Variants in ZDBF2 observed in about 807,000 individuals in gnomAD.
ZDBF2 encodes the protein zinc finger DBF-type containing 2.
Under a neutral mutation model 9.4 loss-of-function variants are expected in ZDBF2, and 6 were observed. The ratio of observed to expected loss-of-function variants is 0.64; its 90% CI spans 0.35 to 1.27. The LOEUF (loss-of-function observed/expected upper bound fraction) is 1.27. ZDBF2 is among the 50% of genes most tolerant of loss of function. The probability of loss-of-function intolerance (pLI) is 0.03; values close to 1 mark genes in which losing one functional copy is unlikely to be tolerated. For synonymous variants in ZDBF2, 905 were observed against 946.3 expected, an observed-to-expected ratio of 0.96 and a Z score of 0.80; for missense variants, 2,697 against 2,766.8, an observed-to-expected ratio of 0.97 and a Z score of 0.57.
At position 206,313,483 on chromosome 2, in the gene ZDBF2, ACTAGGAAGTAAACAAACAG is replaced by A. The variant is rs1438851358; in HGVS notation, c.*1893_*1911del. On this transcript the variant is annotated 3_prime_UTR_variant, in exon 5 of 5. Coordinates refer to ENST00000374423, the MANE Select transcript of ZDBF2 (RefSeq NM_020923.3). ...TTAGGAACAAAGCTTTGTCCTACTG[ACTAGGAAGTAAACAAACAG>A]CTGATATATAAGATATTTGTGGGTA... 6.6e-6 allele frequency: 1 copy of A among 152,184 alleles called. No homozygotes were observed. Among genetic ancestry groups the A allele is most frequent in the Non-Finnish European group, 1.5e-5 (1 of 68,010 alleles). The allele number at this position is 152,184 out of a possible 1,614,324, so 9.4% of individuals were successfully genotyped here.
Position 206,283,389 on chromosome 2 carries a change from TG to T in ZDBF2, c.60+1481del, listed in dbSNP as rs1030161933. Reference sequence around the variant, plus strand: ...ACTTGTTGTTGTCTGTTTTGTTTTTTGTTGTTGTTGTTGTTGTTGTTATAGC... The same window carrying T: ...ACTTGTTGTTGTCTGTTTTGTTTTTTTTGTTGTTGTTGTTGTTGTTATAGC... On this transcript the variant is annotated intron_variant, in intron 3 of 4. Transcript: ENST00000374423. Among the ~76,000 whole-genome samples the T allele has an allele frequency of 4.0e-4, 59 of 148,204 alleles. 1 individual carries two copies. In the South Asian group the frequency reaches 4.4e-3, roughly 11 times the overall value.
At position 206,306,852 on chromosome 2, in the gene ZDBF2, A is replaced by G. The variant is rs765735395; in HGVS notation, c.2324A>G (p.His775Arg). Residue 775 changes from histidine to arginine, a missense_variant, in exon 5 of 5, where the codon CAC becomes CGC. This residue lies in a region of ZDBF2 where 910 missense variants were observed against 973.6 expected (regional missense o/e 0.93). Coordinates refer to ENST00000374423, the MANE Select transcript of ZDBF2 (RefSeq NM_020923.3). The part of the protein sequence containing the change: ...SHLDAEGKER[H>R]IDLEDESCES... ...CTGGATGCTGAAGGAAAAGAACGGC[A>G]CATTGACCTGGAAGATGAGAGCTGT... 28 of 1,613,896 alleles carry G rather than the reference A, an allele frequency of 1.7e-5. No homozygotes were observed. The highest frequency in any genetic ancestry group is 2.2e-5 in the Non-Finnish European group (26 of 1,179,816).
In ZDBF2 at chr2:206,313,490, A is replaced by G. The variant is rs969987094; in HGVS notation, c.*1897A>G. On this transcript the variant is annotated 3_prime_UTR_variant, in exon 5 of 5. Coordinates refer to ENST00000374423, the MANE Select transcript of ZDBF2 (RefSeq NM_020923.3). ...CAAAGCTTTGTCCTACTGACTAGGA[A>G]GTAAACAAACAGCTGATATATAAGA... is the stretch of plus-strand genomic sequence containing the variant. The G allele has an allele frequency of 2.0e-5, 3 of 152,216 alleles. No homozygotes were observed. Among genetic ancestry groups the G allele is most frequent in the Non-Finnish European group, 4.4e-5 (3 of 68,016 alleles). The allele number at this position is 152,216 out of a possible 1,614,324, so 9.4% of individuals were successfully genotyped here. A position where few individuals can be genotyped will look rare whatever the true frequency, so the allele number is the denominator to read the frequency against.
At position 206,310,408 on chromosome 2, in the gene ZDBF2, A is replaced by C; in HGVS notation, c.5880A>C (p.Ile1960=). 1 of 1,613,988 alleles carries C rather than the reference A, an allele frequency of 6.2e-7. No individual in the cohort carries two copies. Among genetic ancestry groups the C allele is most frequent in the Non-Finnish European group, 8.5e-7 (1 of 1,179,876 alleles). Residue 1960 remains isoleucine (I), a synonymous_variant, in exon 5 of 5, where the codon ATA becomes ATC. Transcript: ENST00000374423. ...ATTACCCAGTGATGAAAAGAAAAATAATTAGACAAGAGGAAGACCCACCAA... is the reference window on the plus strand; with the variant it reads ...ATTACCCAGTGATGAAAAGAAAAATCATTAGACAAGAGGAAGACCCACCAA... ...CKNYPVMKRK[I]IRQEEDPPKS...
intron 2 of ZDBF2, among the ~76,000 whole-genome samples, chr2:206,281,355 T>C (rs1034428632): frequency 1.3e-5 from 2 of 152,194 alleles, no homozygotes; most frequent in African/African-American, 4.8e-5. Flanking sequence ...GAAAATGCCA[T>C]GTGGTGTCTT....
chr2:206,292,632 A>G (rs1691954645), intron 3 of ZDBF2, among the ~76,000 whole-genome samples: 1 of 152,120 alleles, frequency 6.6e-6, no homozygotes, highest in Non-Finnish European at 1.5e-5. Context: ...ATAAAAACTA[A>G]AAAGATATCT....
intron 3 of ZDBF2, among the ~76,000 whole-genome samples, chr2:206,283,621 G>A (rs562037520): frequency 4.6e-5 from 7 of 152,064 alleles, no homozygotes; most frequent in Non-Finnish European, 7.4e-5. Context: ...TTTATCAGAT[G>A]TATGATTTAC....
intron 4 of ZDBF2, among the ~76,000 whole-genome samples, chr2:206,303,650 C>A (rs1051906734): frequency 2.0e-5 from 3 of 152,052 alleles, no homozygotes; most frequent in African/African-American, 7.2e-5. Context: ...AGACATAATT[C>A]ACAGTGCACG....
chr2:206,283,317 C>T (rs540009238), intron 3 of ZDBF2, among the ~76,000 whole-genome samples: 1 of 152,202 alleles, frequency 6.6e-6, no homozygotes, highest in South Asian at 2.1e-4. Context: ...CTGTACCTTA[C>T]CACCAGCAAT....
intron 3 of ZDBF2, among the ~76,000 whole-genome samples, chr2:206,287,611 G>C (rs1027815882): frequency 6.6e-6 from 1 of 152,112 alleles, no homozygotes; most frequent in Non-Finnish European, 1.5e-5. Flanking sequence ...CCATAGACTT[G>C]GGAAGTTTTT....
At position 206,307,306 on chromosome 2, in the gene ZDBF2, A is replaced by G. The variant is rs555446458; in HGVS notation, c.2778A>G (p.Ser926=). Reference sequence around the variant, plus strand: ...TGGATTATAATATCATTTTTCATTCAGTGACTGGACGTTCTGAAGATCCCA... The same window carrying G: ...TGGATTATAATATCATTTTTCATTCGGTGACTGGACGTTCTGAAGATCCCA... ...VSLDYNIIFH[S]VTGRSEDPIK... Residue 926 remains serine, a synonymous_variant, in exon 5 of 5, where the codon TCA becomes TCG. Coordinates refer to ENST00000374423, the MANE Select transcript of ZDBF2 (RefSeq NM_020923.3). 1.2e-6 allele frequency: 2 copies of G among 1,610,682 alleles called. No homozygotes were observed. Among genetic ancestry groups the G allele is most frequent in the African/African-American group, 1.3e-5 (1 of 74,792 alleles).
At chr2:206,276,058 C>T (rs1690982755) in intron 1 of ZDBF2, among the ~76,000 whole-genome samples, 1 of 151,952 alleles carries the variant, frequency 6.6e-6, no homozygotes, top group South Asian at 2.1e-4. Flanking sequence ...TTTTTTCAAA[C>T]TGAGTTTTTT....
chr2:206,305,161 T>G lies in ZDBF2; in HGVS notation c.633T>G (p.Ala211=), dbSNP rs780720776. The G allele has an allele frequency of 1.2e-6, 2 of 1,613,762 alleles. No homozygotes were observed. The highest frequency in any genetic ancestry group is 4.5e-5 in the East Asian group (2 of 44,898). Residue 211 remains alanine, a synonymous_variant, in exon 5 of 5, where the codon GCT becomes GCG. Transcript: ENST00000374423. Reference sequence around the variant, plus strand: ...ATACAACTAGTTTACCACCAGCAGCTCATTTGGATTCAGTTAGCAAATGTG... The same window carrying G: ...ATACAACTAGTTTACCACCAGCAGCGCATTTGGATTCAGTTAGCAAATGTG... ...TANTTSLPPA[A]HLDSVSKCDP...
rs146440797 is a variant in ZDBF2, at chr2:206,304,289, T to C, written c.189-428T>C. 9.2e-5 allele frequency among the ~76,000 whole-genome samples: 14 copies of C among 152,344 alleles called. No homozygotes were observed. In the East Asian group the frequency reaches 2.7e-3, roughly 29 times the overall value. On this transcript the variant is annotated intron_variant, in intron 4 of 4. Transcript: ENST00000374423. ...AATGCTTACTGTGTGCCAAGCTGTTTCTTTGTTTTAATGCTCTTTACATGT... is the reference window on the plus strand; with the variant it reads ...AATGCTTACTGTGTGCCAAGCTGTTCCTTTGTTTTAATGCTCTTTACATGT...
chr2:206,311,013 CAGTT>C lies in ZDBF2; in HGVS notation c.6488_6491del (p.Val2163GlufsTer18). ...GATGTTGTCAAAATCTCTCCAAAAT[CAGTT>C]AGAAATAAGCTTTTGGAAAGTCAAA... On this transcript the variant is annotated frameshift_variant, in exon 5 of 5. Transcript: ENST00000374423. LOFTEE classifies it low-confidence loss of function (END_TRUNC). 1 of 1,611,320 alleles carries C rather than the reference CAGTT, an allele frequency of 6.2e-7. No individual in the cohort carries two copies. The highest frequency in any genetic ancestry group is 8.5e-7 in the Non-Finnish European group (1 of 1,179,378).
chr2:206,296,917 T>C (rs1164304249), intron 3 of ZDBF2, among the ~76,000 whole-genome samples: 1 of 152,218 alleles, frequency 6.6e-6, no homozygotes, highest in Non-Finnish European at 1.5e-5. Flanking sequence ...CTGCATAGTA[T>C]TACATCTTAG....
intron 3 of ZDBF2, among the ~76,000 whole-genome samples, chr2:206,293,748 C>A (rs1004212099): frequency 6.6e-6 from 1 of 152,166 alleles, no homozygotes; most frequent in Non-Finnish European, 1.5e-5. Flanking sequence ...ATTAAAGAGA[C>A]TGACAATAGC....
Position 206,306,609 on chromosome 2 carries a change from T to C in ZDBF2, c.2081T>C (p.Leu694Pro). Residue 694 changes from leucine (L) to proline (P), a missense_variant, in exon 5 of 5, where the codon CTT becomes CCT. By Grantham distance (98) the Leu-to-Pro change is moderately conservative. Coordinates refer to ENST00000374423, the MANE Select transcript of ZDBF2 (RefSeq NM_020923.3). Reference protein sequence around the residue: ...EIERQKVDVDLENKSVQSSRS... With the variant: ...EIERQKVDVDPENKSVQSSRS... ...GAGCGTCAGAAAGTGGATGTTGACC[T>C]TGAGAATAAGAGTGTTCAGTCTAGC... 6.2e-7 allele frequency: 1 copy of C among 1,613,756 alleles called. No individual in the cohort carries two copies. Among genetic ancestry groups the C allele is most frequent in the Non-Finnish European group, 8.5e-7 (1 of 1,179,772 alleles).
In ZDBF2 at chr2:206,281,884, G is replaced by A. The variant is rs771215951; in HGVS notation, c.35G>A (p.Arg12His). 31 of 1,613,064 alleles carry A rather than the reference G, an allele frequency of 1.9e-5. No homozygotes were observed. Among genetic ancestry groups the A allele is most frequent in the African/African-American group, 8.0e-5 (6 of 74,892 alleles). Reference sequence around the variant, plus strand: ...AGACAAGGATATTGCAGTTATTGCCGTGTGCAGTATAATAACCTGGAACAG... The same window carrying A: ...AGACAAGGATATTGCAGTTATTGCCATGTGCAGTATAATAACCTGGAACAG... ...QKRQGYCSYCRVQYNNLEQHL... is the reference protein window; with the variant it reads ...QKRQGYCSYCHVQYNNLEQHL... The change falls in exon 3 of 5, where the codon CGT becomes CAT. Residue 12 changes from arginine to histidine, a missense_variant. Physicochemically the swap from Arg to His is conservative, Grantham distance 29. Around this residue, in one of 3 missense-constraint regions of ZDBF2, gnomAD observed 910 missense variants for 973.6 expected, o/e 0.93. Coordinates refer to ENST00000374423, the MANE Select transcript of ZDBF2 (RefSeq NM_020923.3).
Sources: gnomAD v4.1 joint callset for allele counts (sites outside exome capture counted in the v4.1 genomes callset) on GRCh38, gnomAD v4.1.1 for gene constraint, gnomAD v4.1.1 regional missense constraint, MANE v1.5 for transcripts, NCBI Gene and HGNC (gene_info 2026-07-23, HGNC 2026-07-21) for gene names.